The following PRKCZ variants were observed in gnomAD, a reference collection of about 807,000 sequenced individuals.
The protein encoded by PRKCZ is protein kinase C zeta type.
PRKCZ carries 33 observed loss-of-function variants against 79.5 expected under a neutral mutation model. That is an observed-to-expected ratio of 0.41 (90% confidence interval 0.31 to 0.55). The LOEUF (loss-of-function observed/expected upper bound fraction) is 0.55, where lower values mean the gene tolerates loss of function less well. PRKCZ is among the 20% of genes least tolerant of loss of function. The pLI is 0.19. For synonymous variants in PRKCZ, 342 were observed against 320.9 expected (o/e 1.07, Z -0.70); for missense variants, 578 against 813.5 (o/e 0.71, Z 3.52).
At chr1:2,180,722 C>G (rs975807453) in intron 16 of PRKCZ, among the ~76,000 whole-genome samples, 6 of 152,220 alleles carry the variant, frequency 3.9e-5, no homozygotes, top group African/African-American at 1.2e-4. Context: ...GCTCAGATGA[C>G]CGCTGCTGTG....
chr1:2,081,520 C>T (rs530694852), intron 4 of PRKCZ, among the ~76,000 whole-genome samples: 39 of 152,270 alleles, frequency 2.6e-4, no homozygotes, highest in African/African-American at 5.5e-4. Context: ...CTGCAGACCC[C>T]GGTGTGGGGT....
At position 2,082,071 on chromosome 1, in the gene PRKCZ, A is replaced by G. The variant is rs2102399334; in HGVS notation, c.334+22480A>G. Among the ~76,000 whole-genome samples the G allele has an allele frequency of 6.6e-6, 1 of 152,382 alleles. No individual in the cohort carries two copies. Among genetic ancestry groups the G allele is most frequent in the Non-Finnish European group, 1.5e-5 (1 of 68,038 alleles). On this transcript the variant is annotated intron_variant, in intron 4 of 17. Coordinates refer to ENST00000378567, the MANE Select transcript of PRKCZ (RefSeq NM_002744.6). This position sits in a 1 kb window ranked among gnomAD's most constrained non-coding sequence, Gnocchi z 4.4. ...CTGCCGTGGTTCCGATCGACTCCGA[A>G]TAGGACACCACACAGTCGTGCCAAG...
intron 10 of PRKCZ, chr1:2,169,046 G>C (rs2100238815): frequency 2.4e-6 from 1 of 417,230 alleles, no homozygotes; most frequent in African/African-American, 2.0e-5. Flanking sequence ...TTGTTCCCTT[G>C]GAGGGCCGGT....
rs915975725 is a variant in PRKCZ at position 2,185,256 on chromosome 1, G to C, written c.*247G>C. ...TGTGCCTGCGTCGCGGCGGATCCGC[G>C]GGGACCCTGCCGAGGGGGCTGTCAT... On this transcript the variant is annotated 3_prime_UTR_variant, in exon 18 of 18. Transcript: ENST00000378567. 2 of 714,606 alleles carry C rather than the reference G, an allele frequency of 2.8e-6. No homozygotes were observed. Among genetic ancestry groups the C allele is most frequent in the Non-Finnish European group, 5.2e-6 (2 of 383,348 alleles). 44.3% of individuals were successfully genotyped at this position (714,606 alleles called of 1,614,324 possible).
chr1:2,137,279 G>A (rs1676406865), intron 5 of PRKCZ, among the ~76,000 whole-genome samples: 1 of 152,156 alleles, frequency 6.6e-6, no homozygotes, highest in African/African-American at 2.4e-5. Flanking sequence ...GCTTCCGCCT[G>A]CTTTGCCCCA....
chr1:2,089,776 G>A (rs1259922625), intron 4 of PRKCZ, among the ~76,000 whole-genome samples: 4 of 152,106 alleles, frequency 2.6e-5, no homozygotes, highest in Non-Finnish European at 4.4e-5. Context: ...CGGCTCACAC[G>A]GCAGAACTCA....
intron 4 of PRKCZ, chr1:2,111,804 C>T (rs1053838949): frequency 2.0e-5 from 3 of 152,316 alleles, no homozygotes; most frequent in Non-Finnish European, 4.4e-5. Context: ...AGCCTCAGGA[C>T]GTGCAGGAGG....
At chr1:2,116,595 G>A (rs1016989580) in intron 4 of PRKCZ, among the ~76,000 whole-genome samples, 10 of 152,256 alleles carry the variant, frequency 6.6e-5, no homozygotes, top group East Asian at 1.9e-4. Context: ...GGGCTTTTGC[G>A]TCCTGGCTGT....
intron 4 of PRKCZ, among the ~76,000 whole-genome samples, chr1:2,098,110 C>CAGGTGACCAGGAGTGACTA (rs55716481): frequency 0.97 from 146,490 of 151,790 alleles, 70,736 homozygotes; most frequent in East Asian, 1. Flanking sequence ...AAGGTCAGAG[C>CAGGTGACCAGGAGTGACTA]AGGTGACCAG....
At chr1:2,088,755 TCA>T (rs1451948730) in intron 4 of PRKCZ, among the ~76,000 whole-genome samples, 1 of 152,138 alleles carries the variant, frequency 6.6e-6, no homozygotes, top group Non-Finnish European at 1.5e-5. Context: ...GTCTCTTCAC[TCA>T]CAGACTCCAG....
In PRKCZ at chr1:2,125,015, C is replaced by A. The variant is rs954007633; in HGVS notation, c.335-10247C>A. The stretch of plus-strand genomic sequence containing the variant: ...TCTGAGTTATTGTGACTCAGCCGCA[C>A]GTCCTCCCAGGGGCCTTGCCAGCCT... On this transcript the variant is annotated intron_variant, in intron 4 of 17. Coordinates refer to ENST00000378567, the MANE Select transcript of PRKCZ (RefSeq NM_002744.6). The surrounding 1 kb of genome is among the most constrained non-coding windows in gnomAD (Gnocchi z 4.2). Among the ~76,000 whole-genome samples, 1 of 152,204 alleles carries A rather than the reference C, an allele frequency of 6.6e-6. No homozygotes were observed. Among genetic ancestry groups the A allele is most frequent in the African/African-American group, 2.4e-5 (1 of 41,446 alleles).
At chr1:2,116,937 T>C (rs190606181) in intron 4 of PRKCZ, among the ~76,000 whole-genome samples, 15 of 152,206 alleles carry the variant, frequency 9.9e-5, no homozygotes, top group African/African-American at 3.4e-4. Context: ...AGGCCTTTGA[T>C]TGGGGTTTTT....
chr1:2,093,851 G>A (rs1294477209), intron 4 of PRKCZ, among the ~76,000 whole-genome samples: 1 of 152,100 alleles, frequency 6.6e-6, no homozygotes, highest in African/African-American at 2.4e-5. Context: ...TGGCGGGCAC[G>A]GGACGAGCCG....
intron 6 of PRKCZ, chr1:2,144,580 C>T (rs1008236551): frequency 7.3e-7 from 1 of 1,376,602 alleles, no homozygotes; most frequent in Non-Finnish European, 9.4e-7. Context: ...AGGCAGCAGG[C>T]TCAGGTAGGA....
chr1:2,112,257 G>A (rs947741333), intron 4 of PRKCZ, among the ~76,000 whole-genome samples: 1 of 152,208 alleles, frequency 6.6e-6, no homozygotes, highest in Non-Finnish European at 1.5e-5. Context: ...TGACGTTTAT[G>A]TGTAGACATG....
At chr1:2,095,855 TTC>T in intron 4 of PRKCZ, among the ~76,000 whole-genome samples, 1 of 44,472 alleles carries the variant, frequency 2.2e-5, no homozygotes, top group Admixed American at 3.2e-4. Context: ...TTCCCCTCCC[TTC>T]CCCTCCCTTC....
Position 2,174,388 on chromosome 1 carries a change from C to T in PRKCZ, c.1406-366C>T, listed in dbSNP as rs895499637. Among the ~76,000 whole-genome samples the T allele has an allele frequency of 1.3e-5, 2 of 152,228 alleles. No homozygotes were observed. The highest frequency in any genetic ancestry group is 2.9e-5 in the Non-Finnish European group (2 of 68,042). The stretch of plus-strand genomic sequence containing the variant: ...TGGGCTCCTTCCCACCTGGAGGCCC[C>T]GGGACCTGCTCCTGGTCTGGAATTC... On this transcript the variant is annotated intron_variant, in intron 14 of 17. Coordinates refer to ENST00000378567, the MANE Select transcript of PRKCZ (RefSeq NM_002744.6). The surrounding 1 kb of genome is among the most constrained non-coding windows in gnomAD (Gnocchi z 6.2).
At chr1:2,180,616 G>A (rs192334344) in intron 16 of PRKCZ, among the ~76,000 whole-genome samples, 2 of 151,638 alleles carry the variant, frequency 1.3e-5, no homozygotes, top group Non-Finnish European at 2.9e-5. Flanking sequence ...GGATGACTCA[G>A]ATCCCCAGAC....
At chr1:2,076,186 C>T (rs1486473190) in intron 4 of PRKCZ, among the ~76,000 whole-genome samples, 1 of 152,190 alleles carries the variant, frequency 6.6e-6, no homozygotes. Flanking sequence ...TCTGAAAAAC[C>T]AGGAGCAGGT....
Sources: allele counts gnomAD v4.1 joint callset (sites outside exome capture counted in the v4.1 genomes callset), GRCh38; gene constraint gnomAD v4.1.1; non-coding constraint Gnocchi (gnomAD v3.1); transcripts MANE v1.5; gene names NCBI Gene and HGNC (gene_info 2026-07-23, HGNC 2026-07-21).